Variants in VEGFC observed in about 807,000 individuals in gnomAD.
VEGFC encodes vascular endothelial growth factor C.
VEGFC carries 12 observed loss-of-function variants against 46.1 expected under a neutral mutation model. That is an observed-to-expected ratio of 0.26 (90% CI 0.17 to 0.42). The LOEUF (loss-of-function observed/expected upper bound fraction) is 0.42, where lower values mean the gene tolerates loss of function less well. VEGFC is among the 10% of genes least tolerant of loss of function. The pLI is 1.00. For missense variants in VEGFC, 488 were observed against 529.4 expected (o/e 0.92, Z 0.77); for synonymous variants, 232 against 195.5 (o/e 1.19, Z -1.56).
chr4:176,781,971 C>G (rs1233671052), intron 1 of VEGFC, among the ~76,000 whole-genome samples: 1 of 152,194 alleles, frequency 6.6e-6, no homozygotes. Flanking sequence ...CTCACTCACA[C>G]GCATGACTCT....
intron 3 of VEGFC, among the ~76,000 whole-genome samples, chr4:176,717,447 A>G (rs1363671299): frequency 6.6e-6 from 1 of 152,196 alleles, no homozygotes; most frequent in Non-Finnish European, 1.5e-5. Context: ...ATAAAGCCAC[A>G]TTTTGAAACA....
At chr4:176,779,652 G>T (rs527437899) in intron 1 of VEGFC, among the ~76,000 whole-genome samples, 65 of 137,436 alleles carry the variant, frequency 4.7e-4, no homozygotes, top group Non-Finnish European at 8.9e-4. Flanking sequence ...CTCCTGAGGA[G>T]ACCATGCTCC....
chr4:176,688,234 C>T (rs920791858), intron 4 of VEGFC, among the ~76,000 whole-genome samples: 1 of 151,860 alleles, frequency 6.6e-6, no homozygotes, highest in African/African-American at 2.4e-5. Flanking sequence ...AAGGTAAAAC[C>T]TTTTGCTTTA....
chr4:176,777,274 A>G (rs1333610038), intron 1 of VEGFC, among the ~76,000 whole-genome samples: 4 of 152,134 alleles, frequency 2.6e-5, no homozygotes, highest in African/African-American at 7.2e-5. Flanking sequence ...CCGAGATCGC[A>G]CCACTGCACT....
chr4:176,720,338 T>C (rs1734762877), intron 3 of VEGFC, among the ~76,000 whole-genome samples: 1 of 152,204 alleles, frequency 6.6e-6, no homozygotes, highest in Non-Finnish European at 1.5e-5. Context: ...TTTAGAATTG[T>C]ACATCAAACC....
chr4:176,725,719 A>G (rs1346982334), intron 3 of VEGFC, among the ~76,000 whole-genome samples: 1 of 152,142 alleles, frequency 6.6e-6, no homozygotes, highest in East Asian at 1.9e-4. Context: ...CAAAAATTGT[A>G]TATTTCAATT....
intron 1 of VEGFC, among the ~76,000 whole-genome samples, chr4:176,777,872 T>C (rs1053497810): frequency 3.9e-5 from 5 of 129,560 alleles, no homozygotes; most frequent in South Asian, 4.7e-4. Context: ...TGAGCCAAGA[T>C]TGTGCCACTG....
intron 1 of VEGFC, among the ~76,000 whole-genome samples, chr4:176,764,117 C>G (rs12646659): frequency 0.054 from 8,199 of 152,058 alleles, 420 homozygotes; most frequent in African/African-American, 0.12. Context: ...CAACAAACAC[C>G]TATTTGAAGA....
At chr4:176,709,791 A>C (rs1734590937) in intron 4 of VEGFC, among the ~76,000 whole-genome samples, 1 of 152,236 alleles carries the variant, frequency 6.6e-6, no homozygotes, top group South Asian at 2.1e-4. Flanking sequence ...GATGCCTTTT[A>C]AAGCTTACTT....
chr4:176,776,357 T>G (rs1258818354), intron 1 of VEGFC, among the ~76,000 whole-genome samples: 1 of 152,244 alleles, frequency 6.6e-6, no homozygotes, highest in Non-Finnish European at 1.5e-5. Context: ...CAACATTAGC[T>G]GCAAAGGACG....
chr4:176,754,234 T>G (rs1735395881), intron 1 of VEGFC, among the ~76,000 whole-genome samples: 2 of 151,932 alleles, frequency 1.3e-5, no homozygotes, highest in South Asian at 4.2e-4. Context: ...TAACTTGTTT[T>G]TTTTTTTTTT....
chr4:176,721,338 T>A (rs1477476046), intron 3 of VEGFC, among the ~76,000 whole-genome samples: 5 of 152,110 alleles, frequency 3.3e-5, no homozygotes, highest in Non-Finnish European at 4.4e-5. Flanking sequence ...AAGATAAGCT[T>A]ATCACCACAC....
chr4:176,787,897 ATAACT>A (rs1330046347), intron 1 of VEGFC, among the ~76,000 whole-genome samples: 5 of 152,226 alleles, frequency 3.3e-5, no homozygotes, highest in African/African-American at 4.8e-5. Context: ...AAAATCAATG[ATAACT>A]TAATCCACAA....
chr4:176,763,912 C>T (rs961986602), intron 1 of VEGFC, among the ~76,000 whole-genome samples: 3 of 151,664 alleles, frequency 2.0e-5, no homozygotes, highest in African/African-American at 4.8e-5. Flanking sequence ...GTATCTCAAA[C>T]ATAGTAAGAG....
At chr4:176,753,123 G>T (rs755023098) in intron 1 of VEGFC, among the ~76,000 whole-genome samples, 1 of 152,048 alleles carries the variant, frequency 6.6e-6, no homozygotes, top group Non-Finnish European at 1.5e-5. Context: ...ACAGGCAGCT[G>T]CTGTGGCATT....
At chr4:176,705,996 A>T (rs1185082110) in intron 4 of VEGFC, 2 of 152,218 alleles carry the variant, frequency 1.3e-5, no homozygotes, top group Non-Finnish European at 2.9e-5. Context: ...AGCTCCCTAC[A>T]GCATCCACAC....
intron 3 of VEGFC, among the ~76,000 whole-genome samples, chr4:176,722,374 A>C (rs1734802263): frequency 6.6e-6 from 1 of 152,200 alleles, no homozygotes; most frequent in Non-Finnish European, 1.5e-5. Context: ...CTTATAGCAA[A>C]TATCTGATGT....
intron 1 of VEGFC, among the ~76,000 whole-genome samples, chr4:176,754,312 G>C (rs1735397213): frequency 6.6e-6 from 1 of 151,516 alleles, no homozygotes. Flanking sequence ...CTGGTGTAAA[G>C]TACTACAAGT....
intron 3 of VEGFC, among the ~76,000 whole-genome samples, chr4:176,727,202 C>A (rs71615209): frequency 7.4e-4 from 112 of 152,286 alleles, no homozygotes; most frequent in Middle Eastern, 3.4e-3. Flanking sequence ...TCCTGGTTAT[C>A]AGAAGCTTAC....
Sources: gnomAD v4.1 joint callset for allele counts (sites outside exome capture counted in the v4.1 genomes callset) on GRCh38, gnomAD v4.1.1 for gene constraint, MANE v1.5 for transcripts, NCBI Gene and HGNC (gene_info 2026-07-23, HGNC 2026-07-21) for gene names.